The following ART3 variants were observed in gnomAD, a reference collection of about 807,000 sequenced individuals.
ART3 encodes the protein ecto-ADP-ribosyltransferase 3.
In ART3, 49 loss-of-function variants were observed where a neutral mutation model predicts 48.5. The ratio of observed to expected loss-of-function variants is 1.01; its 90% CI spans 0.80 to 1.28. The LOEUF (loss-of-function observed/expected upper bound fraction) is 1.28, where lower values mean the gene tolerates loss of function less well. Among genes scored for constraint, ART3 ranks in the 50% most tolerant of loss-of-function variants. The probability of loss-of-function intolerance (pLI) is 0.00; values close to 1 mark genes in which losing one functional copy is unlikely to be tolerated. For synonymous variants in ART3, 145 were observed against 157.2 expected (o/e 0.92, Z 0.58); for missense variants, 438 against 454.3 (o/e 0.96, Z 0.33).
intron 1 of ART3, among the ~76,000 whole-genome samples, chr4:76,052,766 G>C (rs1424245423): frequency 4.1e-5 from 6 of 146,482 alleles, no homozygotes; most frequent in African/African-American, 9.9e-5. Context: ...CCAGGCTGGA[G>C]TGCACGGGCA....
intron 3 of ART3, among the ~76,000 whole-genome samples, chr4:76,095,964 C>G (rs540768155): frequency 6.6e-6 from 1 of 152,148 alleles, no homozygotes; most frequent in Non-Finnish European, 1.5e-5. Context: ...CTCTTGTCAC[C>G]CAGGCTGGGG....
chr4:76,016,300 T>TA (rs1732249965), intron 1 of ART3, among the ~76,000 whole-genome samples: 2 of 152,232 alleles, frequency 1.3e-5, no homozygotes, highest in South Asian at 4.1e-4. Context: ...CCAAGCCCAG[T>TA]AATACTGTAG....
chr4:76,022,943 G>T, intron 1 of ART3: 2 of 907,320 alleles, frequency 2.2e-6, no homozygotes, highest in Non-Finnish European at 3.3e-6. Context: ...ATCTGAGGAG[G>T]AATGGATCAC....
At chr4:76,075,844 G>T (rs1472636974) in intron 1 of ART3, 37 bp from the exon 2 acceptor site, 3 of 1,518,222 alleles carry the variant, frequency 2.0e-6, no homozygotes, top group Admixed American at 1.8e-5. Context: ...CCTCTTTTTT[G>T]AGTCTACTGA....
At chr4:76,070,688 C>T (rs1211468981), upstream of ART3, among the ~76,000 whole-genome samples, 1 of 152,120 alleles carries the variant, frequency 6.6e-6, no homozygotes, top group Non-Finnish European at 1.5e-5. Context: ...AATCATAAGG[C>T]ATTCACTCTT....
chr4:76,052,565 A>G (rs1736214890), intron 1 of ART3, among the ~76,000 whole-genome samples: 2 of 152,120 alleles, frequency 1.3e-5, no homozygotes, highest in Admixed American at 6.6e-5. Flanking sequence ...AATAATGTAC[A>G]TGGTACCCAT....
intron 1 of ART3, among the ~76,000 whole-genome samples, chr4:76,042,933 C>T (rs1735113115): frequency 6.6e-6 from 1 of 151,908 alleles, no homozygotes; most frequent in Admixed American, 6.6e-5. Flanking sequence ...TCTGTTTTGA[C>T]AGGGCGTGAT....
intron 3 of ART3, among the ~76,000 whole-genome samples, chr4:76,090,707 A>T (rs1487190966): frequency 1.3e-5 from 2 of 152,178 alleles, no homozygotes; most frequent in Non-Finnish European, 2.9e-5. Flanking sequence ...TGTTCATCCC[A>T]TCCTCATAAT....
chr4:76,022,435 C>T, intron 1 of ART3: 1 of 1,613,288 alleles, frequency 6.2e-7, no homozygotes, highest in Non-Finnish European at 8.5e-7. Context: ...TCTCTTCTCA[C>T]CCTTCTTTTT....
At chr4:76,096,305 T>C (rs1390289292) in intron 3 of ART3, among the ~76,000 whole-genome samples, 1 of 152,248 alleles carries the variant, frequency 6.6e-6, no homozygotes, top group Non-Finnish European at 1.5e-5. Context: ...CAGGGCACTG[T>C]CCAGATTCTA....
rs547070976 is a variant in ART3 at position 76,050,502 on chromosome 4, T to C, written c.-9-25379T>C. On this transcript the variant is annotated intron_variant, in intron 1 of 9. Coordinates refer to the ART3 transcript ENST00000341029. The stretch of plus-strand genomic sequence containing the variant: ...GTGTATTTACAAACCTTGAGCTAGA[T>C]ACAGAGGGCCGATTGGTGTATTTGC... Among the ~76,000 whole-genome samples, 11 of 152,176 alleles carry C rather than the reference T, an allele frequency of 7.2e-5. No individual in the cohort carries two copies. In the Middle Eastern group the frequency reaches 0.01, roughly 141 times the overall value.
chr4:76,019,573 CCTCCCGAGTAG>C (rs1732592047), intron 1 of ART3, among the ~76,000 whole-genome samples: 2 of 15,106 alleles, frequency 1.3e-4, no homozygotes, highest in Middle Eastern at 0.042. Context: ...CCTGCTTCAG[CCTCCCGAGTAG>C]CTGGGACTAC....
At chr4:76,038,837 C>G (rs1393460057) in intron 1 of ART3, among the ~76,000 whole-genome samples, 3 of 152,046 alleles carry the variant, frequency 2.0e-5, no homozygotes, top group African/African-American at 7.2e-5. Context: ...ATTCGCCTGC[C>G]TCAGCCTCCC....
chr4:76,097,677 G>T lies in ART3; in HGVS notation c.814+1G>T. ...ACCGAAAACTGTATTGAGAACCTAG[G>T]TAAGATAGCTTTAAAGTCTTATCCC... On this transcript the variant is annotated splice_donor_variant, in intron 4 of 11. Transcript: ENST00000355810. LOFTEE classifies it high-confidence loss of function. 1 of 1,607,942 alleles carries T rather than the reference G, an allele frequency of 6.2e-7. No individual in the cohort carries two copies. Among genetic ancestry groups the T allele is most frequent in the Non-Finnish European group, 8.5e-7 (1 of 1,174,704 alleles).
intron 2 of ART3, among the ~76,000 whole-genome samples, chr4:76,079,929 C>CAG (rs1722078124): frequency 6.6e-6 from 1 of 150,610 alleles, no homozygotes; most frequent in Admixed American, 6.6e-5. Flanking sequence ...CACACACACA[C>CAG]ACAGAGAGAG....
Position 76,082,096 on chromosome 4 carries a change from G to C in ART3, c.342G>C (p.Leu114=). 6.2e-7 allele frequency: 1 copy of C among 1,614,206 alleles called. No individual in the cohort carries two copies. The highest frequency in any genetic ancestry group is 1.6e-4 in the Middle Eastern group (1 of 6,062). Residue 114 remains leucine (L), a synonymous_variant, in exon 3 of 12, where the codon CTG becomes CTC. Transcript: ENST00000355810. ...AAGAGCAAACTCCCTTTTACCATCT[G>C]TTCAGTGAAGCTGTGAAGATGGCTG... ...EAQEQTPFYH[L]FSEAVKMAGQ...
chr4:76,023,228 A>T (rs570417209), intron 1 of ART3: 17 of 664,786 alleles, frequency 2.6e-5, no homozygotes, highest in Non-Finnish European at 3.4e-5. Flanking sequence ...AAGTTTTATG[A>T]TCTGAGGGAA....
chr4:76,080,355 G>T (rs1203010712), intron 2 of ART3, among the ~76,000 whole-genome samples: 3 of 152,040 alleles, frequency 2.0e-5, no homozygotes, highest in Non-Finnish European at 4.4e-5. Context: ...ACTGGAGAAA[G>T]ACCTTATGAA....
intron 4 of ART3, 100 bp from the exon 5 acceptor site, chr4:76,098,855 C>A: frequency 1.0e-6 from 1 of 986,786 alleles, no homozygotes; most frequent in Non-Finnish European, 1.5e-6. Flanking sequence ...AAATATAAGC[C>A]AACACAATCT....
Sources: gnomAD v4.1 joint callset for allele counts (sites outside exome capture counted in the v4.1 genomes callset) on GRCh38, gnomAD v4.1.1 for gene constraint, MANE v1.5 for transcripts, NCBI Gene and HGNC (gene_info 2026-07-23, HGNC 2026-07-21) for gene names.